MAX: variants seen among roughly 807,000 people sequenced by gnomAD.
MAX encodes MYC associated transcriptional regulator X.
A neutral mutation model predicts 22.3 loss-of-function variants in MAX; 3 were observed. The ratio of observed to expected loss-of-function variants is 0.13; its 90% CI spans 0.06 to 0.35. MAX has a LOEUF of 0.35. Among genes scored for constraint, MAX ranks in the 10% least tolerant of loss-of-function variants. MAX has a pLI of 1.00. For synonymous variants in MAX, 72 were observed against 77.7 expected (o/e 0.93, Z 0.39); for missense variants, 119 against 209.4 (o/e 0.57, Z 2.66).
chr14:65,098,025 TA>T (rs2063718576), intron 2 of MAX, among the ~76,000 whole-genome samples: 1 of 152,212 alleles, frequency 6.6e-6, no homozygotes, highest in Admixed American at 6.5e-5. Flanking sequence ...CCTCATACTA[TA>T]GCCATTTCAG....
intron 3 of MAX, among the ~76,000 whole-genome samples, chr14:65,037,734 TTTATTTA>T (rs1283356699): frequency 2.1e-4 from 16 of 76,602 alleles, no homozygotes; most frequent in East Asian, 1.0e-3. Context: ...CTCTTATTTA[TTTATTTA>T]TTATTTATTT....
rs2063833409 is a variant in MAX at position 65,101,542 on chromosome 14, G to A, written c.63+4C>T. ...AAAAATGAAATGGAGAGTAGGAGAC[G>A]TACCGCAGATTGAAACCTCGGTTGC... On this transcript the variant is annotated splice_donor_region_variant and intron_variant, in intron 2 of 4. Transcript: ENST00000358664. 1.9e-6 allele frequency: 3 copies of A among 1,608,782 alleles called. No homozygotes were observed. The highest frequency in any genetic ancestry group is 2.6e-6 in the Non-Finnish European group (3 of 1,175,974).
chr14:65,009,755 A>C lies in MAX; in HGVS notation c.172-3471T>G, dbSNP rs555400935. 6.6e-6 allele frequency among the ~76,000 whole-genome samples: 1 copy of C among 151,992 alleles called. No individual in the cohort carries two copies. The highest frequency in any genetic ancestry group is 6.5e-5 in the Admixed American group (1 of 15,268). On this transcript the variant is annotated intron_variant, in intron 3 of 3. Coordinates refer to the MAX transcript ENST00000341653. This position sits in a 1 kb window ranked among gnomAD's most constrained non-coding sequence, Gnocchi z 4.2. ...TCAAATGTGTCATGGTGTTTTCTTCATTTTGCCTGCTTAACTCATGTCTTT... is the reference window on the plus strand; with the variant it reads ...TCAAATGTGTCATGGTGTTTTCTTCCTTTTGCCTGCTTAACTCATGTCTTT...
chr14:65,093,575 C>CA lies in MAX; in HGVS notation c.171+132dup. On this transcript the variant is annotated intron_variant, in intron 3 of 4. Transcript: ENST00000358664. The surrounding 1 kb of genome is among the most constrained non-coding windows in gnomAD (Gnocchi z 4.4). ...GGTGTGCAGTGATCCTCCAAACAGTCAAAAATAAGGCAACCATGCTACCTG... is the reference window on the plus strand; with the variant it reads ...GGTGTGCAGTGATCCTCCAAACAGTCAAAAAATAAGGCAACCATGCTACCTG... 1.4e-6 allele frequency: 1 copy of CA among 706,758 alleles called. No homozygotes were observed. Among genetic ancestry groups the CA allele is most frequent in the Admixed American group, 2.0e-5 (1 of 49,946 alleles). 43.8% of individuals were successfully genotyped at this position (706,758 alleles called of 1,614,324 possible). A position where few individuals can be genotyped will look rare whatever the true frequency, so the allele number is the denominator to read the frequency against.
rs191250048 is a variant in MAX, at chr14:65,052,017, G to C, written c.171+41691C>G. Among the ~76,000 whole-genome samples the C allele has an allele frequency of 6.9e-3, 1,049 of 151,988 alleles. 10 individuals are homozygous for C. The highest frequency in any genetic ancestry group is 0.017 in the Middle Eastern group (5 of 294). ...TCACCGTGTTAGCCGGGATGGTCTC[G>C]ATCTCCTGACCTCGTGATCAACCCC... On this transcript the variant is annotated intron_variant, in intron 3 of 3. Coordinates refer to the MAX transcript ENST00000341653.
rs375237447 is a variant in MAX, at chr14:65,012,427, T to G, written c.172-6143A>C. ...CCCAGGAACTCTTGCTGTCAAATTA[T>G]CCACCAAATCCTCCTCCTTTTTCTA... On this transcript the variant is annotated intron_variant, in intron 3 of 3. Coordinates refer to the MAX transcript ENST00000341653. The surrounding 1 kb of genome is among the most constrained non-coding windows in gnomAD (Gnocchi z 5.0). 8.7e-6 allele frequency: 14 copies of G among 1,612,356 alleles called. No individual in the cohort carries two copies. The African/African-American group carries it at 1.2e-4, about 14-fold the overall frequency.
intron 3 of MAX, among the ~76,000 whole-genome samples, chr14:65,050,451 C>T (rs546751611): frequency 2.0e-5 from 3 of 152,096 alleles, no homozygotes; most frequent in South Asian, 2.1e-4. Flanking sequence ...ATTAGCCAGG[C>T]GTGGGGGCTT....
rs116193257 is a variant in MAX, at chr14:65,007,855, A to G, written c.172-1571T>C. 8.0e-3 allele frequency among the ~76,000 whole-genome samples: 1,225 copies of G among 152,310 alleles called. 18 individuals are homozygous for G. The highest frequency in any genetic ancestry group is 0.027 in the African/African-American group (1,134 of 41,556). ...TTTTAAATTTGTTTTCTCCTGGGCA[A>G]GGAGACGGGTGCTCCTCAGAAGTGA... On this transcript the variant is annotated intron_variant, in intron 3 of 3. Transcript: ENST00000341653. This position sits in a 1 kb window ranked among gnomAD's most constrained non-coding sequence, Gnocchi z 4.9.
Position 65,062,325 on chromosome 14 carries a change from G to A in MAX, c.171+31383C>T, listed in dbSNP as rs2062880303. On this transcript the variant is annotated intron_variant, in intron 3 of 3. Transcript: ENST00000341653. This position sits in a 1 kb window ranked among gnomAD's most constrained non-coding sequence, Gnocchi z 4.3. ...TAGGCTCACAGGAATAAAATCAAGT[G>A]CTAGACACACTGGCTGCTACTAAGG... 6.6e-6 allele frequency: 1 copy of A among 152,320 alleles called. No homozygotes were observed. The highest frequency in any genetic ancestry group is 1.5e-5 in the Non-Finnish European group (1 of 68,066). The allele number at this position is 152,320 out of a possible 1,614,324, so 9.4% of individuals were successfully genotyped here.
At position 65,023,409 on chromosome 14, in the gene MAX, A is replaced by C. The variant is rs2139558922; in HGVS notation, c.172-17125T>G. 6.6e-6 allele frequency among the ~76,000 whole-genome samples: 1 copy of C among 152,020 alleles called. No individual in the cohort carries two copies. On this transcript the variant is annotated intron_variant, in intron 3 of 3. Coordinates refer to the MAX transcript ENST00000341653. This position sits in a 1 kb window ranked among gnomAD's most constrained non-coding sequence, Gnocchi z 4.1. The stretch of plus-strand genomic sequence containing the variant: ...GCCATCACCTAAGAGTCCCAAGTAA[A>C]CTCCTTATAAGGCTGAGAGGCAATC...
intron 3 of MAX, among the ~76,000 whole-genome samples, chr14:65,048,376 A>G (rs1377310610): frequency 6.6e-6 from 1 of 152,196 alleles, no homozygotes; most frequent in Non-Finnish European, 1.5e-5. Context: ...TAAATGTACA[A>G]ATACATTTTT....
intron 2 of MAX, among the ~76,000 whole-genome samples, chr14:65,100,929 C>T (rs754423064): frequency 1.2e-4 from 18 of 152,212 alleles, no homozygotes; most frequent in Admixed American, 3.3e-4. Flanking sequence ...TCTGCAATGC[C>T]ACTTTTCTTC....
chr14:65,051,890 G>A (rs2062621641), intron 3 of MAX, among the ~76,000 whole-genome samples: 2 of 151,444 alleles, frequency 1.3e-5, no homozygotes, highest in African/African-American at 2.4e-5. Context: ...CGCCTCCTGG[G>A]TTCACGCCAT....
downstream of MAX, among the ~76,000 whole-genome samples, chr14:65,072,051 C>T (rs2062993190): frequency 6.6e-6 from 1 of 152,172 alleles, no homozygotes; most frequent in Non-Finnish European, 1.5e-5. Context: ...TAGACATTGA[C>T]AAACTCTTTT....
At position 65,075,417 on chromosome 14, in the gene MAX, AG is replaced by A; in HGVS notation, c.*1058del. 2 of 1,063,566 alleles carry A rather than the reference AG, an allele frequency of 1.9e-6. No homozygotes were observed. The highest frequency in any genetic ancestry group is 2.3e-6 in the Non-Finnish European group (2 of 877,874). 65.9% of individuals were successfully genotyped at this position (1,063,566 alleles called of 1,614,324 possible). A position where few individuals can be genotyped will look rare whatever the true frequency, so the allele number is the denominator to read the frequency against. ...GAGACAGGTTCCAGGACAGTAGGAA[AG>A]GAAGTGGGATGAGGGCTGGGAAGGG... On this transcript the variant is annotated 3_prime_UTR_variant, in exon 5 of 5. Transcript: ENST00000358664. The surrounding 1 kb of genome is among the most constrained non-coding windows in gnomAD (Gnocchi z 4.1).
chr14:65,051,513 AGGC>A (rs2062609864), intron 3 of MAX, among the ~76,000 whole-genome samples: 1 of 151,862 alleles, frequency 6.6e-6, no homozygotes. Flanking sequence ...CGGGAGGCTG[AGGC>A]AGGACAATCG....
At chr14:65,016,920 G>GTTTTTTTTTT (rs34191835) in intron 3 of MAX, among the ~76,000 whole-genome samples, 1 of 114,850 alleles carries the variant, frequency 8.7e-6, no homozygotes, top group Non-Finnish European at 1.7e-5. Context: ...GGCCCACGTG[G>GTTTTTTTTTT]TTTTTTTTTT....
chr14:65,092,542 G>T (rs988054010), intron 3 of MAX, among the ~76,000 whole-genome samples: 10 of 152,112 alleles, frequency 6.6e-5, no homozygotes, highest in African/African-American at 2.2e-4. Context: ...GTTATTCCAG[G>T]TAAGTACCTT....
At chr14:65,053,156 C>T (rs2062651462) in intron 3 of MAX, 2 of 1,107,758 alleles carry the variant, frequency 1.8e-6, no homozygotes, top group Admixed American at 4.1e-5. Context: ...CTTGACTATT[C>T]CCCCAGGTGA....
Sources: gnomAD v4.1 joint callset for allele counts (sites outside exome capture counted in the v4.1 genomes callset) on GRCh38, gnomAD v4.1.1 for gene constraint, Gnocchi (gnomAD v3.1) non-coding constraint, MANE v1.5 for transcripts, NCBI Gene and HGNC (gene_info 2026-07-23, HGNC 2026-07-21) for gene names.